Variants in PSMB6 observed in about 807,000 individuals in gnomAD.
PSMB6 encodes proteasome subunit beta type-6.
Under a neutral mutation model 28.2 loss-of-function variants are expected in PSMB6, and 11 were observed. The ratio of observed to expected loss-of-function variants is 0.39; its 90% CI spans 0.25 to 0.65. PSMB6 has a LOEUF of 0.65. Ranked by LOEUF, PSMB6 falls within the 30% of genes least tolerant of loss-of-function variation. PSMB6 has a pLI of 0.48. For synonymous variants in PSMB6, 126 were observed against 117.7 expected, an observed-to-expected ratio of 1.07 and a Z score of -0.45; for missense variants, 268 against 319.4, an observed-to-expected ratio of 0.84 and a Z score of 1.23.
chr17:4,796,956 T>C, intron 2 of PSMB6, 161 bp downstream of exon 2: 1 of 662,482 alleles, frequency 1.5e-6, no homozygotes, highest in Non-Finnish European at 2.6e-6. Context: ...TCAGTTCCCC[T>C]CACTCGTTAG....
At chr17:4,797,333 G>A (rs2150659903) in intron 2 of PSMB6, 105 bp from the exon 3 acceptor site, 1 of 1,395,752 alleles carries the variant, frequency 7.2e-7, no homozygotes, top group Non-Finnish European at 9.6e-7. Flanking sequence ...AGGAAAAAAA[G>A]GCAATACTGG....
In PSMB6 at chr17:4,796,187, G is replaced by A. The variant is rs368384009; in HGVS notation, c.-8G>A. On this transcript the variant is annotated 5_prime_UTR_variant, in exon 1 of 6. Transcript: ENST00000270586. ...ACAGTTGCTTTGAGGCAGTACCGGA[G>A]GAGAAAGATGGCGGCTACCTTACTA... 3 of 1,576,242 alleles carry A rather than the reference G, an allele frequency of 1.9e-6. No homozygotes were observed. Among genetic ancestry groups the A allele is most frequent in the Non-Finnish European group, 1.7e-6 (2 of 1,160,420 alleles).
In PSMB6 at chr17:4,796,188, G is replaced by A; in HGVS notation, c.-7G>A. Reference sequence around the variant, plus strand: ...CAGTTGCTTTGAGGCAGTACCGGAGGAGAAAGATGGCGGCTACCTTACTAG... The same window carrying A: ...CAGTTGCTTTGAGGCAGTACCGGAGAAGAAAGATGGCGGCTACCTTACTAG... On this transcript the variant is annotated 5_prime_UTR_variant, in exon 1 of 6. Coordinates refer to ENST00000270586, the MANE Select transcript of PSMB6 (RefSeq NM_002798.3). The A allele has an allele frequency of 6.3e-7, 1 of 1,576,836 alleles. No individual in the cohort carries two copies. Among genetic ancestry groups the A allele is most frequent in the South Asian group, 1.2e-5 (1 of 86,002 alleles).
rs1196543673 is a variant in PSMB6 at position 4,796,587 on chromosome 17, C to CTGCG, written c.103-140_103-137dup. The CTGCG allele has an allele frequency of 5.0e-5, 43 of 866,490 alleles. No homozygotes were observed. The Middle Eastern group carries it at 1.3e-3, about 26-fold the overall frequency. 53.7% of individuals were successfully genotyped at this position (866,490 alleles called of 1,614,324 possible). ...ATTTGAGGGTTGGCATTCTGGTATT[C>CTGCG]TGCGGGGTGCTGAGGCCCCTATAAG... On this transcript the variant is annotated intron_variant, in intron 1 of 5. Coordinates refer to ENST00000270586, the MANE Select transcript of PSMB6 (RefSeq NM_002798.3).
rs1905413770 is a variant in PSMB6, at chr17:4,798,444, A to G, written c.*22A>G. On this transcript the variant is annotated 3_prime_UTR_variant, in exon 6 of 6. Transcript: ENST00000270586. ...CTGAATCCTGGGATTCTAGTATGCA[A>G]TAAGAGATGCCCTGTACTGATGCAA... 1.2e-6 allele frequency: 2 copies of G among 1,612,992 alleles called. No individual in the cohort carries two copies. The highest frequency in any genetic ancestry group is 2.2e-5 in the South Asian group (2 of 90,916).
At chr17:4,797,832 G>C (rs987951094) in intron 4 of PSMB6, 21 bp downstream of exon 4, 2 of 1,613,308 alleles carry the variant, frequency 1.2e-6, no homozygotes, top group Admixed American at 1.7e-5. Flanking sequence ...CACCCGACCA[G>C]AGCACACTTG....
At chr17:4,797,895 A>G in intron 4 of PSMB6, 84 bp downstream of exon 4, 1 of 1,604,822 alleles carries the variant, frequency 6.2e-7, no homozygotes, top group Non-Finnish European at 8.5e-7. Context: ...TCCAGTCTCT[A>G]CCTCACTTAT....
intron 2 of PSMB6, chr17:4,797,049 C>T (rs1354081919): frequency 3.9e-6 from 2 of 507,770 alleles, no homozygotes; most frequent in Admixed American, 7.3e-5. Context: ...CACGGTGGCT[C>T]ACGCCTGTAA....
chr17:4,797,824 C>A lies in PSMB6; in HGVS notation c.432+13C>A. ...AGAAGGAGGGCAGGTCAGATCCCCA[C>A]CCGACCAGAGCACACTTGAGCCAGG... On this transcript the variant is annotated intron_variant, in intron 4 of 5. Coordinates refer to ENST00000270586, the MANE Select transcript of PSMB6 (RefSeq NM_002798.3). The A allele has an allele frequency of 1.9e-6, 3 of 1,613,894 alleles. No homozygotes were observed. Among genetic ancestry groups the A allele is most frequent in the Non-Finnish European group, 2.5e-6 (3 of 1,179,908 alleles).
chr17:4,796,226 C>A lies in PSMB6; in HGVS notation c.32C>A (p.Ala11Asp), dbSNP rs140751461. 5 of 1,593,628 alleles carry A rather than the reference C, an allele frequency of 3.1e-6. No individual in the cohort carries two copies. Among genetic ancestry groups the A allele is most frequent in the Non-Finnish European group, 3.4e-6 (4 of 1,170,172 alleles). Residue 11 changes from alanine (A) to aspartate (D), a missense_variant, in exon 1 of 6, where the codon GCC becomes GAC. By Grantham distance (126) the Ala-to-Asp change is moderately radical. Coordinates refer to ENST00000270586, the MANE Select transcript of PSMB6 (RefSeq NM_002798.3). MAATLLAARG[A>D]GPAPAWGPEA... is the part of the protein sequence containing the mutation. ...GCTACCTTACTAGCTGCTCGGGGAG[C>A]CGGGCCAGCACCGGCTTGGGGGCCG...
At chr17:4,797,283 C>A in intron 2 of PSMB6, 155 bp from the exon 3 acceptor site, 1 of 944,182 alleles carries the variant, frequency 1.1e-6, no homozygotes, top group Non-Finnish European at 1.5e-6. Context: ...TCACTGTACT[C>A]CAGCCTGGGC....
At chr17:4,797,657 C>G in intron 3 of PSMB6, 25 bp from the exon 4 acceptor site, 1 of 1,611,406 alleles carries the variant, frequency 6.2e-7, no homozygotes, top group Non-Finnish European at 8.5e-7. Flanking sequence ...TTGAAACTTT[C>G]TCTGTGACTT....
intron 4 of PSMB6, 94 bp downstream of exon 4, chr17:4,797,905 T>G: frequency 6.2e-7 from 1 of 1,603,564 alleles, no homozygotes; most frequent in Non-Finnish European, 8.5e-7. Flanking sequence ...ACCTCACTTA[T>G]TCTTACTATT....
In PSMB6 at chr17:4,798,417, G is replaced by A. The variant is rs148379239; in HGVS notation, c.715G>A (p.Ala239Thr). 66 of 1,613,940 alleles carry A rather than the reference G, an allele frequency of 4.1e-5. No homozygotes were observed. In the African/African-American group the frequency reaches 6.8e-4, roughly 17 times the overall value. The change falls in exon 6 of 6, where the codon GCC (alanine) becomes ACC (threonine). Residue 239 changes from alanine (A) to threonine (T), a missense_variant. Ala to Thr is a moderately conservative substitution (Grantham distance 58). Transcript: ENST00000270586. ...ATTCGCCGTTGCCACTTTACCACCC[G>A]CCTGAATCCTGGGATTCTAGTATGC... ...PKFAVATLPP[A>T]
At chr17:4,796,612 G>T in intron 1 of PSMB6, 116 bp from the exon 2 acceptor site, 1 of 1,029,654 alleles carries the variant, frequency 9.7e-7, no homozygotes, top group Non-Finnish European at 1.5e-6. Flanking sequence ...GCCCCTATAA[G>T]ATTTGAAAAT....
chr17:4,797,280 A>T, intron 2 of PSMB6, 158 bp from the exon 3 acceptor site: 1 of 887,978 alleles, frequency 1.1e-6, no homozygotes, highest in Non-Finnish European at 1.7e-6. Flanking sequence ...GCGTCACTGT[A>T]CTCCAGCCTG....
Position 4,796,169 on chromosome 17 carries a change from C to T in PSMB6, c.-26C>T. ...GTGACAGAGCGCTTTACGACAGTTG[C>T]TTTGAGGCAGTACCGGAGGAGAAAG... On this transcript the variant is annotated 5_prime_UTR_variant, in exon 1 of 6. Coordinates refer to ENST00000270586, the MANE Select transcript of PSMB6 (RefSeq NM_002798.3). The T allele has an allele frequency of 1.3e-6, 2 of 1,556,954 alleles. No homozygotes were observed. Among genetic ancestry groups the T allele is most frequent in the East Asian group, 2.4e-5 (1 of 42,090 alleles).
intron 4 of PSMB6, 77 bp from the exon 5 acceptor site, chr17:4,797,932 A>G (rs1222520667): frequency 6.9e-6 from 11 of 1,604,994 alleles, no homozygotes; most frequent in Admixed American, 6.7e-5. Flanking sequence ...CCTCAGACCA[A>G]TAGCAGAATG....
rs781327581 is a variant in PSMB6, at chr17:4,797,717, C to T, written c.338C>T (p.Ala113Val). ...AATGAGCCTCCACTGGTCCACACAGCAGCCAGCCTCTTTAAGGAGATGTGT... is the reference window on the plus strand; with the variant it reads ...AATGAGCCTCCACTGGTCCACACAGTAGCCAGCCTCTTTAAGGAGATGTGT... ...ELNEPPLVHT[A>V]ASLFKEMCYR... The change falls in exon 4 of 6, where the codon GCA becomes GTA. Residue 113 changes from alanine (A) to valine (V), a missense_variant. Ala to Val is a moderately conservative substitution (Grantham distance 64). Transcript: ENST00000270586. The T allele has an allele frequency of 7.4e-6, 12 of 1,614,176 alleles. No homozygotes were observed. The highest frequency in any genetic ancestry group is 9.3e-6 in the Non-Finnish European group (11 of 1,180,032).
Sources: allele counts gnomAD v4.1 joint callset, GRCh38; gene constraint gnomAD v4.1.1; transcripts MANE v1.5; gene names NCBI Gene and HGNC (gene_info 2026-07-23, HGNC 2026-07-21).